Variants in ME1 observed in about 807,000 individuals in gnomAD.
The protein encoded by ME1 is NADP-dependent malic enzyme.
In ME1, 74 loss-of-function variants were observed where a neutral mutation model predicts 66.4. The ratio of observed to expected loss-of-function variants is 1.11; its 90% CI spans 0.92 to 1.35. ME1 has a LOEUF of 1.35. Among genes scored for constraint, ME1 ranks in the 40% most tolerant of loss-of-function variants. The pLI is 0.00. For missense variants in ME1, 750 were observed against 694.1 expected, an observed-to-expected ratio of 1.08 and a Z score of -0.90; for synonymous variants, 251 against 235.6, an observed-to-expected ratio of 1.07 and a Z score of -0.60.
chr6:83,407,211 C>A (rs1379019284), intron 2 of ME1, among the ~76,000 whole-genome samples: 1 of 152,150 alleles, frequency 6.6e-6, no homozygotes, highest in Admixed American at 6.6e-5. Flanking sequence ...AAACAGACAG[C>A]AAAGCAGTTA....
At chr6:83,327,458 G>A (rs1470925997) in intron 5 of ME1, among the ~76,000 whole-genome samples, 1 of 151,970 alleles carries the variant, frequency 6.6e-6, no homozygotes, top group South Asian at 2.1e-4. Flanking sequence ...CTCTGAACTG[G>A]CCCCCCCGGG....
chr6:83,252,722 G>C (rs1324073969), intron 7 of ME1, among the ~76,000 whole-genome samples: 1 of 152,148 alleles, frequency 6.6e-6, no homozygotes, highest in Non-Finnish European at 1.5e-5. Context: ...AAAAGAAAAG[G>C]AGCTGGCACT....
chr6:83,427,495 A>G (rs542077261), intron 1 of ME1, among the ~76,000 whole-genome samples: 1 of 152,326 alleles, frequency 6.6e-6, no homozygotes, highest in African/African-American at 2.4e-5. Flanking sequence ...ATGGCATAGG[A>G]AGTGAACTAA....
intron 1 of ME1, among the ~76,000 whole-genome samples, chr6:83,426,876 A>G (rs1770382734): frequency 1.3e-5 from 2 of 152,212 alleles, no homozygotes; most frequent in African/African-American, 2.4e-5. Flanking sequence ...CCATGTAAGC[A>G]CAATTATGAT....
At chr6:83,399,918 T>C (rs988501589) in intron 2 of ME1, among the ~76,000 whole-genome samples, 1 of 152,202 alleles carries the variant, frequency 6.6e-6, no homozygotes, top group Non-Finnish European at 1.5e-5. Flanking sequence ...ACTTTAGACA[T>C]GATAAAATTA....
intron 6 of ME1, among the ~76,000 whole-genome samples, chr6:83,263,052 C>T (rs577425370): frequency 1.3e-5 from 2 of 152,288 alleles, no homozygotes; most frequent in South Asian, 2.1e-4. Context: ...CACTTTGTGT[C>T]TCTGTCACAT....
chr6:83,340,562 CA>C (rs566485037), intron 5 of ME1, among the ~76,000 whole-genome samples: 1 of 152,270 alleles, frequency 6.6e-6, no homozygotes, highest in South Asian at 2.1e-4. Context: ...TAAACCATGA[CA>C]CCTCTATGAG....
At chr6:83,395,055 G>A (rs1769702649) in intron 3 of ME1, among the ~76,000 whole-genome samples, 1 of 151,628 alleles carries the variant, frequency 6.6e-6, no homozygotes. Context: ...CATATCAAAG[G>A]CAAGCTTAAT....
At chr6:83,213,738 T>C (rs1314750107) in intron 13 of ME1, among the ~76,000 whole-genome samples, 1 of 152,144 alleles carries the variant, frequency 6.6e-6, no homozygotes. Context: ...TCAAAGAATA[T>C]CAGAATGATT....
intron 5 of ME1, among the ~76,000 whole-genome samples, chr6:83,326,684 T>C (rs1410448365): frequency 6.6e-6 from 1 of 152,214 alleles, no homozygotes; most frequent in Non-Finnish European, 1.5e-5. Context: ...CACAATGAGA[T>C]ATCATCTCAT....
intron 5 of ME1, among the ~76,000 whole-genome samples, chr6:83,316,808 C>T (rs930480797): frequency 2.0e-5 from 3 of 151,934 alleles, no homozygotes; most frequent in Admixed American, 1.3e-4. Flanking sequence ...ATAAAATATA[C>T]AACTCCATTT....
At chr6:83,307,070 A>G (rs912292173) in intron 6 of ME1, among the ~76,000 whole-genome samples, 1 of 152,144 alleles carries the variant, frequency 6.6e-6, no homozygotes, top group African/African-American at 2.4e-5. Flanking sequence ...GGACTGGGAT[A>G]CTGACAGGGA....
chr6:83,331,764 T>C (rs772456271), intron 5 of ME1, among the ~76,000 whole-genome samples: 3 of 151,994 alleles, frequency 2.0e-5, no homozygotes, highest in Non-Finnish European at 4.4e-5. Flanking sequence ...GAAAATAAAT[T>C]TCTGTCAGTT....
At chr6:83,386,926 T>A (rs1046299313) in intron 3 of ME1, among the ~76,000 whole-genome samples, 3 of 152,070 alleles carry the variant, frequency 2.0e-5, no homozygotes, top group Admixed American at 6.6e-5. Flanking sequence ...GCTCTCAGAC[T>A]TCCCAGCCTC....
chr6:83,430,939 G>T lies in ME1; in HGVS notation c.16C>A (p.Pro6Thr), dbSNP rs1770476401. Residue 6 changes from proline (P) to threonine (T), a missense_variant, in exon 1 of 14, where the codon CCC becomes ACC. Pro to Thr is a conservative substitution (Grantham distance 38, BLOSUM62 -1). Coordinates refer to ENST00000369705, the MANE Select transcript of ME1 (RefSeq NM_002395.6). MEPEA[P>T]RRRHTHQRGY... is the part of the protein sequence containing the mutation. ...CGCTGATGGGTGTGGCGGCGACGGG[G>T]GGCTTCGGGCTCCATGGCTGGCGCC... 1 of 1,586,166 alleles carries T rather than the reference G, an allele frequency of 6.3e-7. No homozygotes were observed. The highest frequency in any genetic ancestry group is 8.6e-7 in the Non-Finnish European group (1 of 1,167,816).
intron 6 of ME1, among the ~76,000 whole-genome samples, chr6:83,280,278 T>C (rs980924461): frequency 1.3e-5 from 2 of 152,242 alleles, no homozygotes; most frequent in East Asian, 1.9e-4. Flanking sequence ...AACAACAATA[T>C]ATTCCATAAT....
intron 1 of ME1, among the ~76,000 whole-genome samples, chr6:83,418,280 A>G (rs1320372524): frequency 6.6e-6 from 1 of 152,176 alleles, no homozygotes; most frequent in East Asian, 1.9e-4. Flanking sequence ...AAGTCCAAAG[A>G]CCTGCTGCCA....
rs775383665 is a variant in ME1, at chr6:83,228,928, G to A, written c.1030C>T (p.Arg344Cys). ...VDSKGLIVKG[R>C]ASLTQEKEKF... ...TCTTTCTCTTGTGTTAAGGAAGCACGTCCCTAAGTAAAGCCAGTAAGAAAA... is the reference window on the plus strand; with the variant it reads ...TCTTTCTCTTGTGTTAAGGAAGCACATCCCTAAGTAAAGCCAGTAAGAAAA... The change falls in exon 10 of 14, where the codon CGT becomes TGT. Residue 344 changes from arginine (R) to cysteine (C), a missense_variant. Arg to Cys is a radical substitution (Grantham distance 180, BLOSUM62 -3). Transcript: ENST00000369705. 2.2e-5 allele frequency: 35 copies of A among 1,597,492 alleles called. No individual in the cohort carries two copies. Among genetic ancestry groups the A allele is most frequent in the African/African-American group, 1.8e-4 (13 of 73,612 alleles).
intron 3 of ME1, among the ~76,000 whole-genome samples, chr6:83,377,433 C>T (rs925481560): frequency 6.6e-6 from 1 of 151,974 alleles, no homozygotes; most frequent in African/African-American, 2.4e-5. Context: ...AAGAAAAAAA[C>T]AACTTTCTAT....
Sources: gnomAD v4.1 joint callset for allele counts (sites outside exome capture counted in the v4.1 genomes callset) on GRCh38, gnomAD v4.1.1 for gene constraint, MANE v1.5 for transcripts, NCBI Gene and HGNC (gene_info 2026-07-23, HGNC 2026-07-21) for gene names.